Variants in SH2D4B observed in about 807,000 individuals in gnomAD.
SH2D4B encodes the protein SH2 domain-containing protein 4B.
A neutral mutation model predicts 61.5 loss-of-function variants in SH2D4B; 45 were observed. The ratio of observed to expected loss-of-function variants is 0.73; its 90% CI spans 0.58 to 0.94. The LOEUF (loss-of-function observed/expected upper bound fraction) is 0.94. Ranked by LOEUF, SH2D4B falls within the 40% of genes least tolerant of loss-of-function variation. SH2D4B has a pLI of 0.00. For missense variants in SH2D4B, 572 were observed against 574.2 expected, an observed-to-expected ratio of 1.00 and a Z score of 0.04; for synonymous variants, 224 against 220.4, an observed-to-expected ratio of 1.02 and a Z score of -0.14.
At chr10:80,635,520 A>T (rs1842887477) in intron 7 of SH2D4B, among the ~76,000 whole-genome samples, 1 of 152,240 alleles carries the variant, frequency 6.6e-6, no homozygotes, top group Non-Finnish European at 1.5e-5. Flanking sequence ...ATTCAGGGAC[A>T]GCCCTTGACC....
At chr10:80,643,406 CT>C (rs1435494473) in intron 7 of SH2D4B, among the ~76,000 whole-genome samples, 2 of 152,000 alleles carry the variant, frequency 1.3e-5, no homozygotes, top group Non-Finnish European at 2.9e-5. Flanking sequence ...CAGCCTCTTT[CT>C]TTTATGGTTA....
At chr10:80,600,619 C>A (rs750321563) in intron 4 of SH2D4B, among the ~76,000 whole-genome samples, 24 of 151,886 alleles carry the variant, frequency 1.6e-4, no homozygotes, top group Non-Finnish European at 3.2e-4. Context: ...CAGGGCCTTA[C>A]CTGGCAGGCC....
chr10:80,600,137 A>C (rs1842434565), intron 4 of SH2D4B, among the ~76,000 whole-genome samples: 1 of 152,212 alleles, frequency 6.6e-6, no homozygotes, highest in South Asian at 2.1e-4. Flanking sequence ...ATGGACAAGG[A>C]AAGAAGGTGT....
chr10:80,634,144 T>C (rs1842865838), intron 6 of SH2D4B, 141 bp from the exon 7 acceptor site: 2 of 1,186,968 alleles, frequency 1.7e-6, no homozygotes, highest in Non-Finnish European at 2.2e-6. Context: ...CCCTTGGGGC[T>C]CTTTCCTTCC....
intron 7 of SH2D4B, among the ~76,000 whole-genome samples, chr10:80,640,327 G>A (rs1397340142): frequency 3.3e-5 from 5 of 152,160 alleles, no homozygotes; most frequent in African/African-American, 4.8e-5. Context: ...GAATTTGAAT[G>A]TTGGCCTGCC....
At chr10:80,632,985 C>T (rs1842849509) in intron 6 of SH2D4B, among the ~76,000 whole-genome samples, 1 of 151,778 alleles carries the variant, frequency 6.6e-6, no homozygotes, top group Admixed American at 6.6e-5. Flanking sequence ...ATAGGTGGCC[C>T]CTGGTTGCGC....
chr10:80,622,975 G>T (rs1247769474), intron 6 of SH2D4B, among the ~76,000 whole-genome samples: 1 of 152,188 alleles, frequency 6.6e-6, no homozygotes, highest in African/African-American at 2.4e-5. Flanking sequence ...GAGTGCAGTG[G>T]CGTGATCTCA....
intron 3 of SH2D4B, among the ~76,000 whole-genome samples, chr10:80,581,501 GT>G (rs36019325): frequency 0.24 from 36,920 of 152,074 alleles, 5,725 homozygotes; most frequent in African/African-American, 0.43. Flanking sequence ...GATCGAGTGG[GT>G]TAGACCCTAC....
At chr10:80,552,495 T>G (rs1295188129) in intron 1 of SH2D4B, among the ~76,000 whole-genome samples, 1 of 152,076 alleles carries the variant, frequency 6.6e-6, no homozygotes, top group African/African-American at 2.4e-5. Flanking sequence ...CCTCCCTGCT[T>G]CCCCATCTCT....
At chr10:80,625,374 T>C (rs1236761070) in intron 6 of SH2D4B, among the ~76,000 whole-genome samples, 1 of 152,218 alleles carries the variant, frequency 6.6e-6, no homozygotes, top group Non-Finnish European at 1.5e-5. Flanking sequence ...GATGCTTAAG[T>C]TCTTTATGTA....
At chr10:80,641,145 G>A (rs1440757181) in intron 7 of SH2D4B, among the ~76,000 whole-genome samples, 1 of 152,216 alleles carries the variant, frequency 6.6e-6, no homozygotes, top group South Asian at 2.1e-4. Context: ...AAATATTGCT[G>A]CCTGATCCTT....
Position 80,644,608 on chromosome 10 carries a change from T to C in SH2D4B, c.*523T>C, listed in dbSNP as rs1327174091. On this transcript the variant is annotated 3_prime_UTR_variant, in exon 8 of 8. Coordinates refer to ENST00000646907, the MANE Select transcript of SH2D4B (RefSeq NM_001388272.1). ...TATGGAGGACATAAATGCTGCATCT[T>C]TCATAATCTCCATTATCACCCTCAT... 1 of 152,346 alleles carries C rather than the reference T, an allele frequency of 6.6e-6. No individual in the cohort carries two copies. The highest frequency in any genetic ancestry group is 1.5e-5 in the Non-Finnish European group (1 of 68,148). The allele number at this position is 152,346 out of a possible 1,614,324, so 9.4% of individuals were successfully genotyped here. A position where few individuals can be genotyped will look rare whatever the true frequency, so the allele number is the denominator to read the frequency against.
At chr10:80,605,944 C>T (rs1017375492) in intron 5 of SH2D4B, among the ~76,000 whole-genome samples, 3 of 152,236 alleles carry the variant, frequency 2.0e-5, no homozygotes, top group Non-Finnish European at 2.9e-5. Flanking sequence ...CATGGTGCAA[C>T]CTGGCTCTGG....
At chr10:80,588,816 C>T (rs370663206) in intron 4 of SH2D4B, 39 bp downstream of exon 4, 8 of 1,609,446 alleles carry the variant, frequency 5.0e-6, no homozygotes, top group East Asian at 2.2e-5. Flanking sequence ...AGACCAGTCC[C>T]GCCTCCCCAC....
At chr10:80,560,909 T>G (rs1051329238) in intron 1 of SH2D4B, among the ~76,000 whole-genome samples, 2 of 152,148 alleles carry the variant, frequency 1.3e-5, no homozygotes, top group Non-Finnish European at 2.9e-5. Flanking sequence ...AAATCAATAG[T>G]GAGTGAATCT....
At position 80,645,949 on chromosome 10, in the gene SH2D4B, C is replaced by T. The variant is rs1840389919; in HGVS notation, c.*1864C>T. 6.6e-6 allele frequency: 1 copy of T among 152,094 alleles called. No homozygotes were observed. Among genetic ancestry groups the T allele is most frequent in the Non-Finnish European group, 1.5e-5 (1 of 67,998 alleles). The allele number at this position is 152,094 out of a possible 1,614,324, so 9.4% of individuals were successfully genotyped here. On this transcript the variant is annotated 3_prime_UTR_variant, in exon 8 of 8. Transcript: ENST00000646907. Reference sequence around the variant, plus strand: ...ATCATTAAAATTATCATTAAAATTGCCTTATTTCTATGGACTCAGAGGAAT... The same window carrying T: ...ATCATTAAAATTATCATTAAAATTGTCTTATTTCTATGGACTCAGAGGAAT...
intron 7 of SH2D4B, among the ~76,000 whole-genome samples, chr10:80,640,296 G>T (rs2132166943): frequency 6.6e-6 from 1 of 152,260 alleles, no homozygotes; most frequent in East Asian, 1.9e-4. Context: ...GAGTATCTTT[G>T]TGGTGTTCTC....
chr10:80,625,405 A>T (rs1185596377), intron 6 of SH2D4B, among the ~76,000 whole-genome samples: 1 of 152,248 alleles, frequency 6.6e-6, no homozygotes, highest in African/African-American at 2.4e-5. Context: ...ACATTTGCAT[A>T]AAACATATGC....
intron 1 of SH2D4B, among the ~76,000 whole-genome samples, chr10:80,561,909 A>T (rs1260380283): frequency 6.6e-6 from 1 of 152,164 alleles, no homozygotes; most frequent in Non-Finnish European, 1.5e-5. Flanking sequence ...TTCAACCAAA[A>T]TTACATTTTG....
Sources: allele counts gnomAD v4.1 joint callset (sites outside exome capture counted in the v4.1 genomes callset), GRCh38; gene constraint gnomAD v4.1.1; transcripts MANE v1.5; gene names NCBI Gene and HGNC (gene_info 2026-07-23, HGNC 2026-07-21).